MYH13: variants seen among roughly 807,000 people sequenced by gnomAD.
The protein encoded by MYH13 is myosin-13.
In MYH13, 177 loss-of-function variants were observed where a neutral mutation model predicts 232.1. That is an observed-to-expected ratio of 0.76 (90% CI 0.67 to 0.86). The LOEUF is 0.86. Among genes scored for constraint, MYH13 ranks in the 40% least tolerant of loss-of-function variants. The pLI is 0.00. For missense variants in MYH13, 2,246 were observed against 2,405.9 expected (o/e 0.93, Z 1.39); for synonymous variants, 884 against 923.5 (o/e 0.96, Z 0.78).
chr17:10,321,355 G>A (rs1342777041), intron 24 of MYH13, among the ~76,000 whole-genome samples, 177 bp downstream of exon 24: 4 of 152,148 alleles, frequency 2.6e-5, no homozygotes, highest in Admixed American at 2.6e-4. Flanking sequence ...CTTTGCAAGG[G>A]TAAGCAGCTT....
chr17:10,372,944 G>C (rs1018736003), intron 1 of MYH13, 35 bp downstream of exon 1: 1 of 152,102 alleles, frequency 6.6e-6, no homozygotes, highest in South Asian at 2.1e-4. Context: ...CTATAGCTAC[G>C]TGGAGCAAAA....
At chr17:10,340,277 A>G (rs1222577060) in intron 17 of MYH13, 40 bp from the exon 18 acceptor site, 1 of 1,613,334 alleles carries the variant, frequency 6.2e-7, no homozygotes, top group Non-Finnish European at 8.5e-7. Flanking sequence ...AGCAACTGCC[A>G]TTTCACTGGG....
Position 10,303,506 on chromosome 17 carries a change from G to A in MYH13, c.5467-8C>T. 2 of 1,611,570 alleles carry A rather than the reference G, an allele frequency of 1.2e-6. No homozygotes were observed. The highest frequency in any genetic ancestry group is 1.7e-6 in the Non-Finnish European group (2 of 1,177,718). On this transcript the variant is annotated splice_region_variant and splice_polypyrimidine_tract_variant and intron_variant, in intron 37 of 40. Transcript: ENST00000252172. ...ATTTTCCAGCTCCCGCACCTGAGTA[G>A]GATGAAAGGAACACAGAATTCAAAT...
chr17:10,308,238 C>T (rs956548165), intron 35 of MYH13, among the ~76,000 whole-genome samples: 8 of 151,048 alleles, frequency 5.3e-5, no homozygotes, highest in South Asian at 4.2e-4. Context: ...GCAGGAGAAT[C>T]GCTTGAACCT....
In MYH13 at chr17:10,319,091, TCCCTGG is replaced by T; in HGVS notation, c.3431_3436del (p.Ala1144_Arg1145del). The T allele has an allele frequency of 1.2e-6, 2 of 1,614,150 alleles. No homozygotes were observed. Among genetic ancestry groups the T allele is most frequent in the Non-Finnish European group, 1.7e-6 (2 of 1,180,024 alleles). On this transcript the variant is annotated inframe_deletion, in exon 27 of 41. Transcript: ENST00000252172. Reference sequence around the variant, plus strand: ...CAGCCTCTCGCTGATCTCCTCCAGTTCCCTGGCCAGATCTGAGCGCTGCTTCTCAAT... The same window carrying T: ...CAGCCTCTCGCTGATCTCCTCCAGTTCCAGATCTGAGCGCTGCTTCTCAAT...
intron 3 of MYH13, among the ~76,000 whole-genome samples, chr17:10,363,146 T>C (rs909668045): frequency 2.6e-5 from 4 of 151,878 alleles, no homozygotes; most frequent in African/African-American, 9.7e-5. Flanking sequence ...CTCTCCCCCA[T>C]TCAAGCTGGC....
chr17:10,346,003 A>AAAC (rs1302228887), intron 13 of MYH13, among the ~76,000 whole-genome samples: 1 of 142,958 alleles, frequency 7.0e-6, no homozygotes, highest in African/African-American at 2.6e-5. Context: ...AAAAAAAAAA[A>AAAC]AAAAAAAAAA....
At chr17:10,317,016 G>C (rs1211568042) in intron 27 of MYH13, among the ~76,000 whole-genome samples, 2 of 152,206 alleles carry the variant, frequency 1.3e-5, no homozygotes, top group African/African-American at 4.8e-5. Context: ...CGCGATGGCA[G>C]CTTGCAAGGA....
At chr17:10,365,370 C>A (rs1199601485) in intron 2 of MYH13, among the ~76,000 whole-genome samples, 1 of 152,168 alleles carries the variant, frequency 6.6e-6, no homozygotes, top group African/African-American at 2.4e-5. Flanking sequence ...TGATGGGAGG[C>A]AAAATGGCCC....
intron 28 of MYH13, 41 bp downstream of exon 28, chr17:10,315,858 T>G (rs1567658202): frequency 1.2e-6 from 2 of 1,613,882 alleles, no homozygotes; most frequent in Non-Finnish European, 1.7e-6. Flanking sequence ...GACCACCCTC[T>G]CCCATGGCCC....
At chr17:10,315,458 AT>A (rs895950686) in intron 29 of MYH13, among the ~76,000 whole-genome samples, 109 of 151,400 alleles carry the variant, frequency 7.2e-4, no homozygotes, top group Non-Finnish European at 1.2e-3. Context: ...CACCCAGCTA[AT>A]TTTTTTTTGT....
In MYH13 at chr17:10,309,429, C is replaced by A. The variant is rs866735378; in HGVS notation, c.4974G>T (p.Gln1658His). ...TCCTCAGGGCGTCATCGAGATGCAGCTGGGAGTCCTGCAGGGGAGACCCAG... is the reference window on the plus strand; with the variant it reads ...TCCTCAGGGCGTCATCGAGATGCAGATGGGAGTCCTGCAGGGGAGACCCAG... ...RTVQGQLKDS[Q>H]LHLDDALRSN... is the part of the protein sequence containing the mutation. The change falls in exon 35 of 41, where the codon CAG becomes CAT. Residue 1658 changes from glutamine (Q) to histidine (H), a missense_variant. By Grantham distance (24) the Gln-to-His change is conservative. Transcript: ENST00000252172. The A allele has an allele frequency of 6.2e-7, 1 of 1,602,190 alleles. No individual in the cohort carries two copies. Among genetic ancestry groups the A allele is most frequent in the Non-Finnish European group, 8.5e-7 (1 of 1,173,884 alleles).
At chr17:10,341,255 T>C (rs1316103524) in intron 16 of MYH13, 4 of 151,968 alleles carry the variant, frequency 2.6e-5, no homozygotes, top group African/African-American at 9.7e-5. Context: ...TTTCACCATA[T>C]TGGCCAGGCT....
At chr17:10,313,441 T>G (rs1906591679) in intron 29 of MYH13, 87 bp from the exon 30 acceptor site, 1 of 1,587,570 alleles carries the variant, frequency 6.3e-7, no homozygotes, top group Non-Finnish European at 8.6e-7. Context: ...TTCCCCCAAC[T>G]TGAATTATCC....
chr17:10,306,846 A>G lies in MYH13; in HGVS notation c.5295+93T>C. On this transcript the variant is annotated intron_variant, in intron 36 of 40. Transcript: ENST00000252172. The surrounding 1 kb of genome is among the most constrained non-coding windows in gnomAD (Gnocchi z 4.3). ...AAGCCACCACTAACCGATTGTTGTCATAAGAGATGAAACATACTTGCCACA... is the reference window on the plus strand; with the variant it reads ...AAGCCACCACTAACCGATTGTTGTCGTAAGAGATGAAACATACTTGCCACA... 3 of 1,590,818 alleles carry G rather than the reference A, an allele frequency of 1.9e-6. No individual in the cohort carries two copies. The highest frequency in any genetic ancestry group is 2.6e-6 in the Non-Finnish European group (3 of 1,173,414).
intron 8 of MYH13, among the ~76,000 whole-genome samples, chr17:10,356,720 C>G (rs903183144): frequency 6.6e-6 from 1 of 152,184 alleles, no homozygotes; most frequent in Non-Finnish European, 1.5e-5. Context: ...CGACGAAATA[C>G]AAGTTTGAGA....
chr17:10,312,070 C>T lies in MYH13; in HGVS notation c.4372G>A (p.Ala1458Thr). ...TCGTCCAGCTTTTGCTTCCACTCTG[C>T]AAGGACCTGGGAGATGACAAAGGGA... ...KKQRNFDKVL[A>T]EWKQKLDESQ... Residue 1458 changes from alanine to threonine, a missense_variant, in exon 32 of 41, where the codon GCA becomes ACA. Transcript: ENST00000252172. The T allele has an allele frequency of 6.2e-7, 1 of 1,613,602 alleles. No homozygotes were observed. Among genetic ancestry groups the T allele is most frequent in the South Asian group, 1.1e-5 (1 of 91,062 alleles).
intron 1 of MYH13, among the ~76,000 whole-genome samples, chr17:10,371,706 GAAGA>G (rs1406593064): frequency 6.6e-6 from 1 of 152,182 alleles, no homozygotes; most frequent in Admixed American, 6.5e-5. Flanking sequence ...AGGGGTCAGG[GAAGA>G]AAGAAAGTAG....
Position 10,312,710 on chromosome 17 carries a change from G to A in MYH13, c.4229C>T (p.Thr1410Met), listed in dbSNP as rs367803525. Residue 1410 changes from threonine (T) to methionine (M), a missense_variant, in exon 31 of 41, where the codon ACG (threonine) becomes ATG (methionine). Coordinates refer to ENST00000252172, the MANE Select transcript of MYH13 (RefSeq NM_003802.3). ...RLQEAEENTETANSKCASLEK... is the reference protein window; with the variant it reads ...RLQEAEENTEMANSKCASLEK... ...CAACGATGCGCACTTGGAGTTCGCC[G>A]TCTCCGTGTTCTCCTCTGCTTCCTG... 96 of 1,613,500 alleles carry A rather than the reference G, an allele frequency of 5.9e-5. No individual in the cohort carries two copies. Among genetic ancestry groups the A allele is most frequent in the Non-Finnish European group, 7.4e-5 (87 of 1,179,800 alleles).
Sources: gnomAD v4.1 joint callset for allele counts (sites outside exome capture counted in the v4.1 genomes callset) on GRCh38, gnomAD v4.1.1 for gene constraint, Gnocchi (gnomAD v3.1) non-coding constraint, MANE v1.5 for transcripts, NCBI Gene and HGNC (gene_info 2026-07-23, HGNC 2026-07-21) for gene names.